The following HS6ST2 variants were observed in gnomAD, a reference collection of about 807,000 sequenced individuals.
HS6ST2 encodes the protein heparan-sulfate 6-O-sulfotransferase 2.
In HS6ST2, 17 loss-of-function variants were observed where a neutral mutation model predicts 33.0. The ratio of observed to expected loss-of-function variants is 0.52; its 90% CI spans 0.35 to 0.77. The LOEUF is 0.77. Among genes scored for constraint, HS6ST2 ranks in the 30% least tolerant of loss-of-function variants. The pLI is 0.01. For synonymous variants in HS6ST2, 248 were observed against 237.1 expected (o/e 1.05, Z -0.42); for missense variants, 519 against 551.7 (o/e 0.94, Z 0.59).
At chrX:132,918,923 T>C (rs1023832119) in intron 2 of HS6ST2, among the ~76,000 whole-genome samples, 1 of 112,499 alleles carries the variant, frequency 8.9e-6, no homozygotes, top group African/African-American at 3.2e-5. Flanking sequence ...ACAATGTCAA[T>C]GACTATCTAG....
At chrX:132,635,030 T>C (rs1287774093) in intron 4 of HS6ST2, among the ~76,000 whole-genome samples, 1 of 112,002 alleles carries the variant, frequency 8.9e-6, no homozygotes, top group Non-Finnish European at 1.9e-5. Flanking sequence ...ATGTAACTTG[T>C]TGCTTATGAG....
chrX:132,889,879 C>T (rs1378788362), intron 2 of HS6ST2, among the ~76,000 whole-genome samples: 1 of 111,830 alleles, frequency 8.9e-6, no homozygotes, highest in Non-Finnish European at 1.9e-5. Context: ...CATTGCCTGA[C>T]TTCAAACTAT....
intron 2 of HS6ST2, among the ~76,000 whole-genome samples, chrX:132,830,262 A>G (rs2065575199): frequency 8.9e-6 from 1 of 112,150 alleles, no homozygotes; most frequent in African/African-American, 3.2e-5. Context: ...GCTTTTACAT[A>G]CAAACATCAA....
rs752435672 is a variant in HS6ST2 at position 132,753,462 on chromosome X, T to C, written c.948-44968A>G. On this transcript the variant is annotated intron_variant, in intron 2 of 4. Transcript: ENST00000370833. The stretch of plus-strand genomic sequence containing the variant: ...ATGGGGGCCGTTCCCCCCATACTGT[T>C]CTCGTGGTAGTGAATAAGTCTCATG... Among the ~76,000 whole-genome samples, 4 of 110,916 alleles carry C rather than the reference T, an allele frequency of 3.6e-5. No individual in the cohort carries two copies. In the South Asian group the frequency reaches 1.6e-3, roughly 44 times the overall value.
intron 2 of HS6ST2, among the ~76,000 whole-genome samples, chrX:132,931,925 G>A (rs935849579): frequency 4.1e-4 from 45 of 109,771 alleles, no homozygotes; most frequent in African/African-American, 1.5e-3. Flanking sequence ...GGTGGCTCAC[G>A]CCTGTAATCC....
chrX:132,863,280 C>T (rs912763253), intron 2 of HS6ST2, among the ~76,000 whole-genome samples: 2 of 111,424 alleles, frequency 1.8e-5, no homozygotes, highest in Non-Finnish European at 3.8e-5. Flanking sequence ...AGTTATAGAT[C>T]AGTGACTTAT....
chrX:132,754,390 A>ATAC (rs1335573445), intron 2 of HS6ST2, among the ~76,000 whole-genome samples: 1 of 108,832 alleles, frequency 9.2e-6, no homozygotes, highest in African/African-American at 3.4e-5. Flanking sequence ...CATGGTAAGG[A>ATAC]TACTTGTCTT....
intron 2 of HS6ST2, among the ~76,000 whole-genome samples, chrX:132,766,178 T>G (rs775087910): frequency 2.7e-5 from 3 of 112,598 alleles, no homozygotes; most frequent in South Asian, 3.7e-4. Context: ...TAGTACAGCA[T>G]TCACTTGCAT....
At chrX:132,741,587 C>G (rs2064581166) in intron 2 of HS6ST2, among the ~76,000 whole-genome samples, 1 of 111,323 alleles carries the variant, frequency 9.0e-6, no homozygotes, top group African/African-American at 3.3e-5. Context: ...TGGCCAACAG[C>G]ATGGGTTTGA....
intron 2 of HS6ST2, among the ~76,000 whole-genome samples, chrX:132,779,873 C>T (rs1424911014): frequency 9.0e-6 from 1 of 110,820 alleles, no homozygotes; most frequent in Non-Finnish European, 1.9e-5. Context: ...ATAGCCCAAA[C>T]CCACACAGCT....
At chrX:132,722,119 C>G (rs1434414503) in intron 2 of HS6ST2, among the ~76,000 whole-genome samples, 3 of 95,465 alleles carry the variant, frequency 3.1e-5, no homozygotes, top group African/African-American at 1.2e-4. Context: ...ACCTGGGAGG[C>G]GGAGCTTGCA....
intron 3 of HS6ST2, among the ~76,000 whole-genome samples, chrX:132,707,002 T>C (rs2064193704): frequency 8.9e-6 from 1 of 112,203 alleles, no homozygotes; most frequent in African/African-American, 3.2e-5. Flanking sequence ...ATCAACACCA[T>C]AGTAAAAATA....
intron 2 of HS6ST2, among the ~76,000 whole-genome samples, chrX:132,891,827 A>C (rs1445367604): frequency 9.0e-6 from 1 of 111,544 alleles, no homozygotes; most frequent in Non-Finnish European, 1.9e-5. Flanking sequence ...CCTATTGTGA[A>C]TAGTGCCACA....
chrX:132,959,173 C>T (rs953328894), upstream of HS6ST2, among the ~76,000 whole-genome samples: 6 of 111,711 alleles, frequency 5.4e-5, no homozygotes, highest in Non-Finnish European at 1.9e-5. Context: ...CCCAAGAAAC[C>T]CAGCACCATC....
intron 2 of HS6ST2, among the ~76,000 whole-genome samples, chrX:132,734,393 C>T (rs571727122): frequency 2.6e-4 from 28 of 109,766 alleles, no homozygotes; most frequent in Middle Eastern, 9.5e-3. Context: ...GACCTAGCAA[C>T]GAAGAAAAGC....
rs372976182 is a variant in HS6ST2, at chrX:132,780,287, T to G, written c.948-71793A>C. On this transcript the variant is annotated intron_variant, in intron 2 of 4. Transcript: ENST00000370833. Reference sequence around the variant, plus strand: ...TGTGACCTTTTCATCATCCAAATAATTTTTAGACCTACCCTCTCCTTCAGT... The same window carrying G: ...TGTGACCTTTTCATCATCCAAATAAGTTTTAGACCTACCCTCTCCTTCAGT... 2.7e-4 allele frequency among the ~76,000 whole-genome samples: 29 copies of G among 108,219 alleles called. No individual in the cohort carries two copies. The East Asian group carries it at 8.3e-3, about 31-fold the overall frequency. The allele number at this position is 108,219 out of a possible 115,157, so 94.0% of individuals were successfully genotyped here. A position where few individuals can be genotyped will look rare whatever the true frequency, so the allele number is the denominator to read the frequency against.
intron 2 of HS6ST2, among the ~76,000 whole-genome samples, chrX:132,780,271 T>C (rs2065006189): frequency 9.1e-6 from 1 of 110,411 alleles, no homozygotes; most frequent in Non-Finnish European, 1.9e-5. Context: ...TTGTGACCTT[T>C]TCATCATCCA....
intron 2 of HS6ST2, among the ~76,000 whole-genome samples, chrX:132,840,441 C>T (rs953241164): frequency 1.8e-5 from 2 of 109,610 alleles, no homozygotes; most frequent in African/African-American, 6.7e-5. Flanking sequence ...CTCCTCTTCC[C>T]CTTCCTCTTC....
chrX:132,817,098 T>G (rs1389584570), intron 2 of HS6ST2, among the ~76,000 whole-genome samples: 1 of 111,284 alleles, frequency 9.0e-6, no homozygotes, highest in East Asian at 2.8e-4. Flanking sequence ...ATTTTTGTTC[T>G]GATTTTTAAG....
Sources: allele counts gnomAD v4.1 joint callset (sites outside exome capture counted in the v4.1 genomes callset), GRCh38; gene constraint gnomAD v4.1.1; transcripts MANE v1.5; gene names NCBI Gene and HGNC (gene_info 2026-07-23, HGNC 2026-07-21).